The following SIDT1 variants were observed in gnomAD, a reference collection of about 807,000 sequenced individuals.
The protein encoded by SIDT1 is SID1 transmembrane family, member 1.
SIDT1 carries 101 observed loss-of-function variants against 107.5 expected under a neutral mutation model. That is an observed-to-expected ratio of 0.94 (90% CI 0.80 to 1.11). The LOEUF (loss-of-function observed/expected upper bound fraction) is 1.11, where lower values mean the gene tolerates loss of function less well. Ranked by LOEUF, SIDT1 falls within the 50% of genes least tolerant of loss-of-function variation. The pLI is 0.00. For synonymous variants in SIDT1, 395 were observed against 398.2 expected (o/e 0.99, Z 0.10); for missense variants, 1,076 against 1,058.2 (o/e 1.02, Z -0.23).
chr3:113,601,402 G>A (rs557949394), intron 10 of SIDT1, 186 bp from the exon 11 acceptor site: 7 of 483,278 alleles, frequency 1.4e-5, no homozygotes, highest in South Asian at 3.5e-5. Flanking sequence ...TAGTTGAAGA[G>A]CCATACAGAA....
intron 1 of SIDT1, among the ~76,000 whole-genome samples, chr3:113,550,214 G>A (rs1940060200): frequency 6.6e-6 from 1 of 151,868 alleles, no homozygotes; most frequent in Non-Finnish European, 1.5e-5. Flanking sequence ...TATCCTTTTT[G>A]TCTTTCAAAT....
At position 113,616,017 on chromosome 3, in the gene SIDT1, T is replaced by G. The variant is rs529271519; in HGVS notation, c.1967-83T>G. Reference sequence around the variant, plus strand: ...TAATGAAGTGAGGATGACATCATTCTGGCTCCAAAACCTTGGGCCACTTCA... The same window carrying G: ...TAATGAAGTGAGGATGACATCATTCGGGCTCCAAAACCTTGGGCCACTTCA... On this transcript the variant is annotated intron_variant, in intron 19 of 24. Coordinates refer to ENST00000264852, the MANE Select transcript of SIDT1 (RefSeq NM_017699.3). 40 of 886,260 alleles carry G rather than the reference T, an allele frequency of 4.5e-5. No homozygotes were observed. The South Asian group carries it at 5.2e-4, about 12-fold the overall frequency. 54.9% of individuals were successfully genotyped at this position (886,260 alleles called of 1,614,324 possible).
intron 15 of SIDT1, among the ~76,000 whole-genome samples, chr3:113,607,576 G>A (rs1945426730): frequency 1.3e-5 from 2 of 152,254 alleles, no homozygotes; most frequent in Non-Finnish European, 1.5e-5. Flanking sequence ...ACCAGAACTT[G>A]GTGACGTGGA....
intron 4 of SIDT1, among the ~76,000 whole-genome samples, chr3:113,580,037 C>T (rs1452614903): frequency 6.6e-6 from 1 of 152,216 alleles, no homozygotes; most frequent in Non-Finnish European, 1.5e-5. Context: ...TCTGGGGACT[C>T]CACATGGGGC....
chr3:113,584,893 A>G (rs2107542546), intron 8 of SIDT1, 124 bp downstream of exon 8: 1 of 750,784 alleles, frequency 1.3e-6, no homozygotes, highest in East Asian at 2.6e-5. Flanking sequence ...TATTTACCTT[A>G]GAAATAGAAA....
intron 1 of SIDT1, among the ~76,000 whole-genome samples, chr3:113,548,256 A>C (rs1422128767): frequency 1.3e-5 from 2 of 152,108 alleles, no homozygotes; most frequent in Non-Finnish European, 2.9e-5. Context: ...TGTATTTTAC[A>C]TTGGGGTTCA....
chr3:113,577,645 A>T (rs1170352535), intron 4 of SIDT1, among the ~76,000 whole-genome samples: 4 of 152,286 alleles, frequency 2.6e-5, no homozygotes, highest in African/African-American at 9.6e-5. Context: ...TTTCTTTCAT[A>T]AGCTTCTGAA....
At chr3:113,568,627 A>AAAAGG (rs774593964) in intron 3 of SIDT1, among the ~76,000 whole-genome samples, 8 of 151,308 alleles carry the variant, frequency 5.3e-5, no homozygotes, top group Admixed American at 1.3e-4. Context: ...AAAAGAAAAG[A>AAAAGG]AAAAAAACAG....
chr3:113,562,824 A>G (rs1463119530), intron 1 of SIDT1, among the ~76,000 whole-genome samples: 1 of 152,210 alleles, frequency 6.6e-6, no homozygotes, highest in Non-Finnish European at 1.5e-5. Context: ...CTACTGAATT[A>G]TGCACTTTAA....
At position 113,534,374 on chromosome 3, in the gene SIDT1, G is replaced by A. The variant is rs559800973; in HGVS notation, c.222+1131G>A. On this transcript the variant is annotated intron_variant, in intron 1 of 24. Coordinates refer to ENST00000264852, the MANE Select transcript of SIDT1 (RefSeq NM_017699.3). ...CCTAGACATCTTCCAGCTGTGTGTA[G>A]CCAGAAAGTGCCCTGAGTGCCCCAT... 5.9e-5 allele frequency among the ~76,000 whole-genome samples: 9 copies of A among 152,312 alleles called. No individual in the cohort carries two copies. The South Asian group carries it at 1.9e-3, about 32-fold the overall frequency.
At chr3:113,577,478 C>T (rs1942994467) in intron 4 of SIDT1, among the ~76,000 whole-genome samples, 1 of 151,846 alleles carries the variant, frequency 6.6e-6, no homozygotes, top group Non-Finnish European at 1.5e-5. Flanking sequence ...TTTCTCCTCT[C>T]ATAAAGAAAG....
chr3:113,582,922 G>A (rs1943471115), intron 6 of SIDT1, among the ~76,000 whole-genome samples: 1 of 152,022 alleles, frequency 6.6e-6, no homozygotes, highest in East Asian at 1.9e-4. Flanking sequence ...TTCATTCATG[G>A]ATGAGGAAAT....
the SIDT1 span, among the ~76,000 whole-genome samples, chr3:113,634,651 A>G: frequency 6.7e-6 from 1 of 150,030 alleles, no homozygotes; most frequent in Non-Finnish European, 1.5e-5. Flanking sequence ...CAAAAAAAAT[A>G]AAAATAGCCA....
intron 13 of SIDT1, among the ~76,000 whole-genome samples, chr3:113,604,473 C>G (rs1945182058): frequency 6.6e-6 from 1 of 152,152 alleles, no homozygotes; most frequent in Non-Finnish European, 1.5e-5. Flanking sequence ...CTAACAGCAG[C>G]CTAAAGAGAT....
At chr3:113,547,860 C>A (rs909940479) in intron 1 of SIDT1, among the ~76,000 whole-genome samples, 1 of 151,922 alleles carries the variant, frequency 6.6e-6, no homozygotes, top group East Asian at 1.9e-4. Flanking sequence ...GGTGCTAATA[C>A]GTAATTATTA....
chr3:113,548,872 C>T (rs1939891706), intron 1 of SIDT1, among the ~76,000 whole-genome samples: 1 of 152,118 alleles, frequency 6.6e-6, no homozygotes, highest in Admixed American at 6.6e-5. Context: ...TTCATTTCCT[C>T]ATGAGGATGT....
chr3:113,552,154 C>A (rs998971885), intron 1 of SIDT1, among the ~76,000 whole-genome samples: 13 of 152,278 alleles, frequency 8.5e-5, no homozygotes, highest in African/African-American at 3.1e-4. Context: ...ATTTGAGTGT[C>A]CACAGTTGTA....
chr3:113,623,449 C>T lies in SIDT1; in HGVS notation c.2113C>T (p.Arg705Cys). The T allele has an allele frequency of 1.2e-6, 2 of 1,613,886 alleles. No individual in the cohort carries two copies. The highest frequency in any genetic ancestry group is 1.3e-5 in the African/African-American group (1 of 75,026). Residue 705 changes from arginine (R) to cysteine (C), a missense_variant, in exon 22 of 25, where the codon CGC (arginine) becomes TGC (cysteine). Arg to Cys is a radical substitution (Grantham distance 180). Transcript: ENST00000264852. ...WSFALFGLIY[R>C]PRDFASYMLG... ...CAGCGCCCTCTTTGGATTGATATACCGCCCCAGGGACTTTGCTTCCTACAT... is the reference window on the plus strand; with the variant it reads ...CAGCGCCCTCTTTGGATTGATATACTGCCCCAGGGACTTTGCTTCCTACAT...
chr3:113,596,225 AG>A (rs1359147476), intron 10 of SIDT1, among the ~76,000 whole-genome samples: 1 of 152,206 alleles, frequency 6.6e-6, no homozygotes, highest in African/African-American at 2.4e-5. Context: ...ACTTAGCCTA[AG>A]GCTTTCACCT....
Sources: gnomAD v4.1 joint callset for allele counts (sites outside exome capture counted in the v4.1 genomes callset) on GRCh38, gnomAD v4.1.1 for gene constraint, MANE v1.5 for transcripts, NCBI Gene and HGNC (gene_info 2026-07-23, HGNC 2026-07-21) for gene names.